The following RRP15 variants were observed in gnomAD, a reference collection of about 807,000 sequenced individuals.
RRP15 encodes the protein ribosomal RNA processing 15 homolog.
RRP15 carries 18 observed loss-of-function variants against 27.1 expected under a neutral mutation model. The observed-to-expected ratio is 0.66, with a 90% CI of 0.46 to 0.98. The LOEUF is 0.98. Among genes scored for constraint, RRP15 ranks in the 50% least tolerant of loss-of-function variants. The pLI, the probability that RRP15 is intolerant of heterozygous loss-of-function variation, is 0.00. For missense variants in RRP15, 359 were observed against 337.8 expected (o/e 1.06, Z -0.49); for synonymous variants, 107 against 109.4 (o/e 0.98, Z 0.14).
At chr1:218,323,744 C>G (rs1398941859) in intron 4 of RRP15, among the ~76,000 whole-genome samples, 1 of 152,202 alleles carries the variant, frequency 6.6e-6, no homozygotes, top group African/African-American at 2.4e-5. Context: ...TTGTTGGCAC[C>G]CAAAGTCCGG....
intron 2 of RRP15, 125 bp downstream of exon 2, chr1:218,302,684 A>C: frequency 7.0e-7 from 1 of 1,419,160 alleles, no homozygotes; most frequent in East Asian, 2.3e-5. Flanking sequence ...TTTTATGTGA[A>C]GGTGGATAAC....
intron 1 of RRP15, among the ~76,000 whole-genome samples, chr1:218,293,217 T>C (rs925481279): frequency 6.6e-6 from 1 of 152,114 alleles, no homozygotes; most frequent in African/African-American, 2.4e-5. Context: ...ATACAGTTAG[T>C]AATATAGGTC....
At chr1:218,320,922 A>G (rs1337591455) in intron 4 of RRP15, among the ~76,000 whole-genome samples, 1 of 152,168 alleles carries the variant, frequency 6.6e-6, no homozygotes, top group Non-Finnish European at 1.5e-5. Flanking sequence ...TGAAAACTGA[A>G]CTTTCTTGTT....
rs111763767 is a variant in RRP15 at position 218,337,632 on chromosome 1, A to G, written c.*6541A>G. The stretch of plus-strand genomic sequence containing the variant: ...CAACAATGCATGAGGTGAATAGAAT[A>G]AGACTTTTTTTTAAAGAATGTAATT... On this transcript the variant is annotated 3_prime_UTR_variant, in exon 5 of 5. Transcript: ENST00000366932. 6.0e-4 allele frequency: 92 copies of G among 152,312 alleles called. No homozygotes were observed. The highest frequency in any genetic ancestry group is 3.4e-3 in the Middle Eastern group (1 of 294). 9.4% of individuals were successfully genotyped at this position (152,312 alleles called of 1,614,324 possible).
intron 4 of RRP15, among the ~76,000 whole-genome samples, chr1:218,312,402 T>C (rs1306431676): frequency 1.3e-5 from 2 of 152,056 alleles, no homozygotes; most frequent in African/African-American, 4.8e-5. Flanking sequence ...TAGTGAATAA[T>C]TGGTAGTCAC....
intron 1 of RRP15, chr1:218,301,654 C>T (rs1434871715): frequency 6.6e-6 from 1 of 152,220 alleles, no homozygotes; most frequent in Non-Finnish European, 1.5e-5. Flanking sequence ...CATTCAGTCA[C>T]TCAGTCCTAC....
In RRP15 at chr1:218,311,554, C is replaced by A. The variant is rs538372270; in HGVS notation, c.705+3922C>A. Among the ~76,000 whole-genome samples the A allele has an allele frequency of 5.3e-5, 8 of 152,192 alleles. No individual in the cohort carries two copies. The East Asian group carries it at 1.4e-3, about 26-fold the overall frequency. ...TTAAGCCCTTCTCAGTAGTATATTT[C>A]TTGTGATCATCCTGCTGCTACTCTC... On this transcript the variant is annotated intron_variant, in intron 4 of 4. Transcript: ENST00000366932.
chr1:218,307,038 A>G (rs959201445), intron 3 of RRP15, among the ~76,000 whole-genome samples: 3 of 152,224 alleles, frequency 2.0e-5, no homozygotes. Flanking sequence ...TTTTAAAATA[A>G]GTATTTTTTA....
chr1:218,297,620 G>A (rs1032651119), intron 1 of RRP15, among the ~76,000 whole-genome samples: 1 of 152,080 alleles, frequency 6.6e-6, no homozygotes, highest in Non-Finnish European at 1.5e-5. Context: ...CTTACTAACT[G>A]TCCTCAATCA....
At chr1:218,291,987 G>A (rs925764357) in intron 1 of RRP15, among the ~76,000 whole-genome samples, 1 of 152,054 alleles carries the variant, frequency 6.6e-6, no homozygotes, top group African/African-American at 2.4e-5. Flanking sequence ...ACAAGTGCGT[G>A]CCATCATGTC....
intron 4 of RRP15, among the ~76,000 whole-genome samples, chr1:218,317,165 A>T (rs909593885): frequency 1.3e-5 from 2 of 152,260 alleles, no homozygotes; most frequent in Non-Finnish European, 2.9e-5. Flanking sequence ...TTAGAAGATC[A>T]TACCTGTCCC....
chr1:218,303,309 T>A (rs528210780), intron 2 of RRP15, among the ~76,000 whole-genome samples: 5 of 152,324 alleles, frequency 3.3e-5, no homozygotes, highest in African/African-American at 1.2e-4. Flanking sequence ...ACTTCATAGG[T>A]AAAAATGAAA....
intron 2 of RRP15, among the ~76,000 whole-genome samples, chr1:218,303,620 T>C (rs371840118): frequency 6.6e-6 from 1 of 152,186 alleles, no homozygotes. Flanking sequence ...AATCTTTGAT[T>C]TCCTCTGGTC....
intron 1 of RRP15, among the ~76,000 whole-genome samples, chr1:218,293,493 A>G (rs1655676307): frequency 6.6e-6 from 1 of 152,318 alleles, no homozygotes; most frequent in Non-Finnish European, 1.5e-5. Flanking sequence ...AGATATATTT[A>G]AAGAGTACTG....
chr1:218,322,848 C>T (rs972717167), intron 4 of RRP15, among the ~76,000 whole-genome samples: 11 of 152,136 alleles, frequency 7.2e-5, no homozygotes, highest in South Asian at 2.1e-4. Flanking sequence ...AGTCTGCGCT[C>T]GGCTCGTGCT....
At chr1:218,323,723 C>T (rs1656225827) in intron 4 of RRP15, among the ~76,000 whole-genome samples, 1 of 152,182 alleles carries the variant, frequency 6.6e-6, no homozygotes, top group Non-Finnish European at 1.5e-5. Context: ...ACCTCGGCCT[C>T]CCTCTCATGC....
In RRP15 at chr1:218,330,962, A is replaced by G. The variant is rs1343373009; in HGVS notation, c.720A>G (p.Ser240=). Reference sequence around the variant, plus strand: ...ATTTTCCTTAGACTGAAGTGAAATCAGAAGAAGGCCCAGGTTGGACGATCC... The same window carrying G: ...ATTTTCCTTAGACTGAAGTGAAATCGGAAGAAGGCCCAGGTTGGACGATCC... The part of the protein sequence containing the change: ...KPKAKQTEVK[S]EEGPGWTILR... The change falls in exon 5 of 5, where the codon TCA becomes TCG. Residue 240 remains serine, a synonymous_variant. Transcript: ENST00000366932. The G allele has an allele frequency of 9.3e-6, 15 of 1,611,766 alleles. No homozygotes were observed. The highest frequency in any genetic ancestry group is 1.3e-5 in the Non-Finnish European group (15 of 1,178,506).
At chr1:218,326,957 T>C (rs1035524177) in intron 4 of RRP15, among the ~76,000 whole-genome samples, 10 of 152,254 alleles carry the variant, frequency 6.6e-5, no homozygotes, top group Admixed American at 5.2e-4. Context: ...CCCTGATACA[T>C]ACTGCCAGTT....
intron 1 of RRP15, 104 bp downstream of exon 1, chr1:218,285,559 ATCTTG>A: frequency 6.7e-7 from 1 of 1,490,436 alleles, no homozygotes; most frequent in Non-Finnish European, 9.2e-7. Context: ...CCTGGGTTTT[ATCTTG>A]GCACCACTTC....
Sources: gnomAD v4.1 joint callset for allele counts (sites outside exome capture counted in the v4.1 genomes callset) on GRCh38, gnomAD v4.1.1 for gene constraint, MANE v1.5 for transcripts, NCBI Gene and HGNC (gene_info 2026-07-23, HGNC 2026-07-21) for gene names.